The following ELP4 variants were observed in gnomAD, a reference collection of about 807,000 sequenced individuals.
The protein encoded by ELP4 is elongator complex protein 4.
In ELP4, 51 loss-of-function variants were observed where a neutral mutation model predicts 48.9. The ratio of observed to expected loss-of-function variants is 1.04; its 90% CI spans 0.83 to 1.32. ELP4 has a LOEUF of 1.32. ELP4 is among the 40% of genes most tolerant of loss of function. ELP4 has a pLI of 0.00. For missense variants in ELP4, 519 were observed against 514.6 expected, an observed-to-expected ratio of 1.01 and a Z score of -0.08; for synonymous variants, 210 against 189.2, an observed-to-expected ratio of 1.11 and a Z score of -0.90.
intron 3 of ELP4, among the ~76,000 whole-genome samples, chr11:31,554,046 G>A (rs1402986419): frequency 1.3e-5 from 2 of 152,140 alleles, no homozygotes; most frequent in African/African-American, 2.4e-5. Flanking sequence ...TCTAGGTTAC[G>A]CACTCCGAAT....
chr11:31,756,671 A>T (rs1947839404), intron 9 of ELP4, among the ~76,000 whole-genome samples: 1 of 152,208 alleles, frequency 6.6e-6, no homozygotes, highest in Non-Finnish European at 1.5e-5. Context: ...ACATTGGTTG[A>T]GAAAGAAAAG....
In ELP4 at chr11:31,520,105, A is replaced by G. The variant is rs1168692829; in HGVS notation, c.259+14A>G. On this transcript the variant is annotated intron_variant, in intron 2 of 9. Coordinates refer to ENST00000640961, the MANE Select transcript of ELP4 (RefSeq NM_019040.5). ...TTCTTCTAATTGGTTAGTACAAAATACATGCTTTGCTCTCCTCTATCATTG... is the reference window on the plus strand; with the variant it reads ...TTCTTCTAATTGGTTAGTACAAAATGCATGCTTTGCTCTCCTCTATCATTG... 1.2e-6 allele frequency: 2 copies of G among 1,605,926 alleles called. No homozygotes were observed. The highest frequency in any genetic ancestry group is 2.7e-5 in the African/African-American group (2 of 74,666).
At chr11:31,595,411 A>G (rs1031263348) in intron 4 of ELP4, among the ~76,000 whole-genome samples, 2 of 152,158 alleles carry the variant, frequency 1.3e-5, no homozygotes, top group Admixed American at 6.5e-5. Context: ...TGGTGATGGC[A>G]TGGTTCATTT....
chr11:31,668,895 T>G (rs796250752), intron 9 of ELP4, among the ~76,000 whole-genome samples: 33 of 152,014 alleles, frequency 2.2e-4, no homozygotes, highest in African/African-American at 7.7e-4. Flanking sequence ...TAAATATTTA[T>G]GAAGGTATTT....
intron 9 of ELP4, among the ~76,000 whole-genome samples, chr11:31,754,379 G>A (rs1021008312): frequency 5.3e-5 from 8 of 151,992 alleles, no homozygotes; most frequent in Admixed American, 1.3e-4. Flanking sequence ...CTAGCCCACC[G>A]AGCTGCAACC....
At chr11:31,539,031 T>A (rs1956550794) in intron 2 of ELP4, among the ~76,000 whole-genome samples, 1 of 152,180 alleles carries the variant, frequency 6.6e-6, no homozygotes, top group African/African-American at 2.4e-5. Context: ...TTGGTATTAT[T>A]TTTTCCTTCA....
intron 3 of ELP4, among the ~76,000 whole-genome samples, chr11:31,544,266 C>T (rs552262019): frequency 5.6e-4 from 86 of 152,306 alleles, no homozygotes; most frequent in African/African-American, 1.9e-3. Flanking sequence ...GGGTGACAGA[C>T]GGCACCTGGA....
chr11:31,718,338 A>T (rs879458037), intron 9 of ELP4, among the ~76,000 whole-genome samples: 3 of 152,198 alleles, frequency 2.0e-5, no homozygotes, highest in East Asian at 1.9e-4. Context: ...TCTTTTTAAA[A>T]CAGTGGTGCT....
At chr11:31,517,748 C>A (rs573412269) in intron 1 of ELP4, among the ~76,000 whole-genome samples, 1 of 151,952 alleles carries the variant, frequency 6.6e-6, no homozygotes, top group Non-Finnish European at 1.5e-5. Context: ...TCCCAAGTAG[C>A]TGGGACTACA....
At chr11:31,595,782 A>G (rs116289220) in intron 4 of ELP4, among the ~76,000 whole-genome samples, 1 of 152,308 alleles carries the variant, frequency 6.6e-6, no homozygotes, top group African/African-American at 2.4e-5. Flanking sequence ...CACTAATGAA[A>G]GTTAGTATAT....
chr11:31,569,820 A>G (rs889491398), intron 3 of ELP4, among the ~76,000 whole-genome samples: 1 of 152,234 alleles, frequency 6.6e-6, no homozygotes, highest in Non-Finnish European at 1.5e-5. Flanking sequence ...ACAATGAGAT[A>G]TCATCTCACA....
At chr11:31,551,945 AAAT>A (rs1414486234) in intron 3 of ELP4, among the ~76,000 whole-genome samples, 2 of 152,154 alleles carry the variant, frequency 1.3e-5, no homozygotes, top group Non-Finnish European at 1.5e-5. Context: ...CTAGTAACAA[AAAT>A]AATAATAATC....
chr11:31,561,246 A>G (rs1257605266), intron 3 of ELP4, among the ~76,000 whole-genome samples: 5 of 152,198 alleles, frequency 3.3e-5, no homozygotes, highest in Non-Finnish European at 1.5e-5. Context: ...TATACAATAT[A>G]CCCAGAGCCA....
chr11:31,644,617 T>C (rs1451034613), intron 7 of ELP4, among the ~76,000 whole-genome samples: 1 of 151,788 alleles, frequency 6.6e-6, no homozygotes, highest in Non-Finnish European at 1.5e-5. Context: ...TTTTATGGGT[T>C]TTTTAAGCTG....
At chr11:31,697,166 CCTTAGAGACCTA>C (rs1455960039) in intron 9 of ELP4, among the ~76,000 whole-genome samples, 1 of 152,056 alleles carries the variant, frequency 6.6e-6, no homozygotes, top group East Asian at 1.9e-4. Flanking sequence ...TAAAGCAAGT[CCTTAGAGACCTA>C]CAAAGAGACT....
At chr11:31,745,991 A>G (rs993742912) in intron 9 of ELP4, among the ~76,000 whole-genome samples, 1 of 152,234 alleles carries the variant, frequency 6.6e-6, no homozygotes, top group African/African-American at 2.4e-5. Flanking sequence ...CAACCTACTC[A>G]TCTGACAAAG....
chr11:31,628,029 ATTTTG>A (rs1397169053), intron 6 of ELP4, among the ~76,000 whole-genome samples: 1 of 152,004 alleles, frequency 6.6e-6, no homozygotes, highest in African/African-American at 2.4e-5. Flanking sequence ...ATTATTTTTC[ATTTTG>A]TTTTGATTGC....
intron 6 of ELP4, among the ~76,000 whole-genome samples, chr11:31,631,345 G>T (rs1335367994): frequency 6.6e-6 from 1 of 152,046 alleles, no homozygotes. Flanking sequence ...GGCTTTAAGA[G>T]CAAACTTACT....
chr11:31,542,401 G>A (rs1956606898), intron 3 of ELP4, among the ~76,000 whole-genome samples: 2 of 152,296 alleles, frequency 1.3e-5, no homozygotes, highest in South Asian at 4.1e-4. Context: ...TCAGATGAGT[G>A]CTCACCTGTA....
Sources: allele counts gnomAD v4.1 joint callset (sites outside exome capture counted in the v4.1 genomes callset), GRCh38; gene constraint gnomAD v4.1.1; transcripts MANE v1.5; gene names NCBI Gene and HGNC (gene_info 2026-07-23, HGNC 2026-07-21).